GALNT13: variants seen among roughly 807,000 people sequenced by gnomAD.
GALNT13 encodes the protein polypeptide N-acetylgalactosaminyltransferase 13.
A neutral mutation model predicts 64.2 loss-of-function variants in GALNT13; 28 were observed. The ratio of observed to expected loss-of-function variants is 0.44; its 90% CI spans 0.32 to 0.60. The LOEUF (loss-of-function observed/expected upper bound fraction) is 0.60. GALNT13 is among the 20% of genes least tolerant of loss of function. The pLI is 0.05. For missense variants in GALNT13, 577 were observed against 669.8 expected, an observed-to-expected ratio of 0.86 and a Z score of 1.53; for synonymous variants, 214 against 224.6, an observed-to-expected ratio of 0.95 and a Z score of 0.42.
the GALNT13 span, among the ~76,000 whole-genome samples, chr2:153,310,150 A>G: frequency 6.6e-6 from 1 of 152,184 alleles, no homozygotes; most frequent in Admixed American, 6.5e-5. Context: ...TCTATAATTT[A>G]CCAGGGATTA....
chr2:153,347,128 G>A, the GALNT13 span, among the ~76,000 whole-genome samples: 1 of 152,206 alleles, frequency 6.6e-6, no homozygotes, highest in African/African-American at 2.4e-5. Flanking sequence ...ACTCTAACAG[G>A]TGCCCAGAAC....
intron 11 of GALNT13, among the ~76,000 whole-genome samples, chr2:154,414,805 G>C (rs924183201): frequency 1.3e-5 from 2 of 151,442 alleles, no homozygotes; most frequent in African/African-American, 4.8e-5. Flanking sequence ...TTTATATACA[G>C]ACTTTTCAAG....
In GALNT13 at chr2:154,298,558, TATA is replaced by T. The variant is rs553358803; in HGVS notation, c.976-2848_976-2846del. Among the ~76,000 whole-genome samples the T allele has an allele frequency of 1.0e-3, 75 of 74,258 alleles. 3 individuals carry two copies. The highest frequency in any genetic ancestry group is 2.9e-3 in the East Asian group (8 of 2,744). The allele number at this position is 74,258 out of a possible 152,430, so 48.7% of individuals were successfully genotyped here. On this transcript the variant is annotated intron_variant, in intron 8 of 12. Transcript: ENST00000392825. Reference sequence around the variant, plus strand: ...TATATATTTATATATAAATTGTATATATAATTTATATATAAATTGTATATATAA... The same window carrying T: ...TATATATTTATATATAAATTGTATATATTTATATATAAATTGTATATATAA...
chr2:153,183,674 G>C, the GALNT13 span, among the ~76,000 whole-genome samples: 187 of 152,274 alleles, frequency 1.2e-3, 1 homozygote, highest in African/African-American at 4.2e-3. Context: ...TCCAGTTTCA[G>C]TTTTCTGCAT....
chr2:154,380,009 C>A (rs561699920), intron 9 of GALNT13, among the ~76,000 whole-genome samples: 1 of 151,992 alleles, frequency 6.6e-6, no homozygotes, highest in South Asian at 2.1e-4. Flanking sequence ...TTAAATATTT[C>A]TATTTATGTC....
chr2:153,752,636 T>C, the GALNT13 span, among the ~76,000 whole-genome samples: 1 of 152,116 alleles, frequency 6.6e-6, no homozygotes, highest in South Asian at 2.1e-4. Context: ...TCGTTGTATG[T>C]TATTTGTTTA....
At chr2:153,118,364 C>T in the GALNT13 span, among the ~76,000 whole-genome samples, 1 of 152,144 alleles carries the variant, frequency 6.6e-6, no homozygotes, top group African/African-American at 2.4e-5. Context: ...CAACCATCAC[C>T]CCTTTCTGTC....
chr2:153,196,237 C>T, the GALNT13 span, among the ~76,000 whole-genome samples: 2 of 152,138 alleles, frequency 1.3e-5, no homozygotes, highest in African/African-American at 2.4e-5. Context: ...CTCATGCCAC[C>T]ATCCATGATG....
the GALNT13 span, among the ~76,000 whole-genome samples, chr2:153,256,284 C>T: frequency 6.6e-6 from 1 of 152,226 alleles, no homozygotes; most frequent in Non-Finnish European, 1.5e-5. Flanking sequence ...CTGCATTCTT[C>T]ACGTAGTTCT....
intron 4 of GALNT13, among the ~76,000 whole-genome samples, chr2:154,194,230 G>T (rs1384779600): frequency 6.6e-6 from 1 of 152,050 alleles, no homozygotes; most frequent in Non-Finnish European, 1.5e-5. Flanking sequence ...ATTCTAATTG[G>T]TGTCCAGTTT....
At chr2:153,248,283 C>T in the GALNT13 span, among the ~76,000 whole-genome samples, 4 of 152,274 alleles carry the variant, frequency 2.6e-5, no homozygotes, top group African/African-American at 9.6e-5. Flanking sequence ...AGGCCAACAT[C>T]CCTGATGAAA....
chr2:153,144,757 G>A, the GALNT13 span, among the ~76,000 whole-genome samples: 9 of 151,926 alleles, frequency 5.9e-5, no homozygotes, highest in African/African-American at 2.2e-4. Flanking sequence ...AGTAATTAAG[G>A]CAATGGGCTC....
intron 11 of GALNT13, among the ~76,000 whole-genome samples, chr2:154,421,599 A>G (rs978805179): frequency 1.1e-4 from 2 of 18,874 alleles, no homozygotes; most frequent in African/African-American, 3.1e-4. Flanking sequence ...AATTATTTCT[A>G]ATTTTTTTCC....
At chr2:153,436,967 C>T in the GALNT13 span, among the ~76,000 whole-genome samples, 1 of 152,054 alleles carries the variant, frequency 6.6e-6, no homozygotes, top group East Asian at 1.9e-4. Flanking sequence ...GCATTTAGTG[C>T]TATAAATTTC....
chr2:153,464,310 A>AG, the GALNT13 span, among the ~76,000 whole-genome samples: 14 of 152,168 alleles, frequency 9.2e-5, no homozygotes, highest in African/African-American at 2.9e-4. Flanking sequence ...CCAGGTGCCC[A>AG]GGGGATGTAT....
the GALNT13 span, among the ~76,000 whole-genome samples, chr2:153,371,555 T>C: frequency 6.6e-6 from 1 of 152,214 alleles, no homozygotes; most frequent in South Asian, 2.1e-4. Context: ...GTGCCATTTA[T>C]GATACCATAA....
At chr2:153,153,830 C>A in the GALNT13 span, among the ~76,000 whole-genome samples, 2 of 151,866 alleles carry the variant, frequency 1.3e-5, no homozygotes, top group African/African-American at 4.8e-5. Flanking sequence ...AATTGGGTAG[C>A]ATGATGCCTC....
chr2:153,660,748 C>G, the GALNT13 span, among the ~76,000 whole-genome samples: 1 of 151,932 alleles, frequency 6.6e-6, no homozygotes, highest in African/African-American at 2.4e-5. Context: ...ATTGAAGGAG[C>G]AGTCCCTATT....
At chr2:154,010,064 A>G (rs982852428) in intron 3 of GALNT13, among the ~76,000 whole-genome samples, 5 of 152,214 alleles carry the variant, frequency 3.3e-5, no homozygotes, top group African/African-American at 1.2e-4. Context: ...GCTATTGAGC[A>G]GGAATTATGG....
Sources: allele counts gnomAD v4.1 joint callset (sites outside exome capture counted in the v4.1 genomes callset), GRCh38; gene constraint gnomAD v4.1.1; transcripts MANE v1.5; gene names NCBI Gene and HGNC (gene_info 2026-07-23, HGNC 2026-07-21).